Variants in EFCAB14 observed in about 807,000 individuals in gnomAD.
EFCAB14 encodes the protein EF-hand calcium binding domain 14.
In EFCAB14, 43 loss-of-function variants were observed where a neutral mutation model predicts 56.5. That is an observed-to-expected ratio of 0.76 (90% CI 0.60 to 0.98). EFCAB14 has a LOEUF of 0.98. Among genes scored for constraint, EFCAB14 ranks in the 50% least tolerant of loss-of-function variants. The pLI is 0.00. For missense variants in EFCAB14, 538 were observed against 580.3 expected (o/e 0.93, Z 0.75); for synonymous variants, 235 against 212.9 (o/e 1.10, Z -0.90).
At chr1:46,687,010 A>G in intron 7 of EFCAB14, 140 bp from the exon 8 acceptor site, 1 of 739,592 alleles carries the variant, frequency 1.4e-6, no homozygotes, top group Non-Finnish European at 2.2e-6. Flanking sequence ...ATTGCAGAGG[A>G]GTGGGAGATG....
At chr1:46,716,181 G>C in intron 2 of EFCAB14, 114 bp downstream of exon 2, 1 of 1,156,728 alleles carries the variant, frequency 8.6e-7, no homozygotes, top group Non-Finnish European at 1.2e-6. Context: ...CCTGGGTGGC[G>C]GATGTTGCAG....
rs572411325 is a variant in EFCAB14, at chr1:46,686,257, G to A, written c.1074+527C>T. ...GGAAGGTACAAGGTGAAGGGAACTG[G>A]CTGAGGTTTAAATGGACTATGAATA... is the stretch of plus-strand genomic sequence containing the variant. On this transcript the variant is annotated intron_variant, in intron 8 of 10. Transcript: ENST00000371933. 2.6e-5 allele frequency among the ~76,000 whole-genome samples: 4 copies of A among 152,296 alleles called. No individual in the cohort carries two copies. In the East Asian group the frequency reaches 5.8e-4, roughly 22 times the overall value.
rs143799745 is a variant in EFCAB14, at chr1:46,711,599, G to A, written c.335-3548C>T. The stretch of plus-strand genomic sequence containing the variant: ...TTTTATTACATAAATGGGAGGAAGT[G>A]TAGCAAACAAACAACTTCTGATTAC... On this transcript the variant is annotated intron_variant, in intron 2 of 10. Coordinates refer to ENST00000371933, the MANE Select transcript of EFCAB14 (RefSeq NM_014774.3). 9.9e-5 allele frequency among the ~76,000 whole-genome samples: 15 copies of A among 152,280 alleles called. No homozygotes were observed. In the East Asian group the frequency reaches 2.9e-3, roughly 29 times the overall value.
rs80322258 is a variant in EFCAB14 at position 46,709,105 on chromosome 1, C to A, written c.335-1054G>T. On this transcript the variant is annotated intron_variant, in intron 2 of 10. Coordinates refer to ENST00000371933, the MANE Select transcript of EFCAB14 (RefSeq NM_014774.3). ...GTCAGCTACATTTTGTTCATTTGTTCATGTGCTATTTTGTTCACTTCTACA... is the reference window on the plus strand; with the variant it reads ...GTCAGCTACATTTTGTTCATTTGTTAATGTGCTATTTTGTTCACTTCTACA... 6.5e-3 allele frequency among the ~76,000 whole-genome samples: 997 copies of A among 152,242 alleles called. 12 individuals carry two copies. The highest frequency in any genetic ancestry group is 0.023 in the African/African-American group (955 of 41,556).
chr1:46,692,301 C>T (rs1321463688), intron 4 of EFCAB14, among the ~76,000 whole-genome samples: 2 of 152,212 alleles, frequency 1.3e-5, no homozygotes, highest in Non-Finnish European at 2.9e-5. Flanking sequence ...TGGCAGGCTG[C>T]CGAGCAGCAT....
intron 10 of EFCAB14, among the ~76,000 whole-genome samples, chr1:46,679,458 G>C (rs1433740925): frequency 6.6e-6 from 1 of 151,690 alleles, no homozygotes; most frequent in Non-Finnish European, 1.5e-5. Flanking sequence ...CCGCCACCAC[G>C]CCCAGCTAAT....
Position 46,683,476 on chromosome 1 carries a change from A to G in EFCAB14, c.1187-51T>C, listed in dbSNP as rs766568835. 69 of 1,566,352 alleles carry G rather than the reference A, an allele frequency of 4.4e-5. No homozygotes were observed. In the South Asian group the frequency reaches 7.5e-4, roughly 17 times the overall value. ...TTAGTATTATTGAATCTAACACCAA[A>G]TTAAACTAGTATCGAAGGTCACCTT... On this transcript the variant is annotated intron_variant, in intron 9 of 10. Coordinates refer to ENST00000371933, the MANE Select transcript of EFCAB14 (RefSeq NM_014774.3).
At chr1:46,686,127 T>A (rs918996733) in intron 8 of EFCAB14, among the ~76,000 whole-genome samples, 1 of 152,200 alleles carries the variant, frequency 6.6e-6, no homozygotes, top group Non-Finnish European at 1.5e-5. Context: ...GCCCAGAGTT[T>A]AACACTCTAA....
At chr1:46,679,706 G>A (rs1318462632) in intron 10 of EFCAB14, among the ~76,000 whole-genome samples, 1 of 143,380 alleles carries the variant, frequency 7.0e-6, no homozygotes, top group Non-Finnish European at 1.5e-5. Context: ...TGCCTCCTAG[G>A]TTCAAGCTAT....
chr1:46,697,928 C>A (rs528560212), intron 3 of EFCAB14, among the ~76,000 whole-genome samples: 2 of 151,094 alleles, frequency 1.3e-5, no homozygotes, highest in Non-Finnish European at 2.9e-5. Flanking sequence ...CTTGGCTCAC[C>A]GCAGCCTCTG....
Position 46,678,470 on chromosome 1 carries a change from T to C in EFCAB14, c.1479A>G (p.Leu493=), listed in dbSNP as rs1394777830. Reference sequence around the variant, plus strand: ...AATATGCCTGATGAAGCTAGATACCTAAAGCTACCCTTAGCTCCAGGAATG... The same window carrying C: ...AATATGCCTGATGAAGCTAGATACCCAAAGCTACCCTTAGCTCCAGGAATG... ...RYSFLELRVA[L]GI The change falls in exon 11 of 11, where the codon TTA becomes TTG. Residue 493 remains leucine (L), a synonymous_variant. Transcript: ENST00000371933. The C allele has an allele frequency of 1.2e-6, 2 of 1,614,128 alleles. No individual in the cohort carries two copies. Among genetic ancestry groups the C allele is most frequent in the South Asian group, 2.2e-5 (2 of 91,088 alleles).
intron 3 of EFCAB14, among the ~76,000 whole-genome samples, chr1:46,707,463 A>C (rs1299970730): frequency 6.6e-6 from 1 of 152,194 alleles, no homozygotes; most frequent in Non-Finnish European, 1.5e-5. Context: ...AACCAACTCC[A>C]TCACCCACTC....
In EFCAB14 at chr1:46,677,631, G is replaced by T. The variant is rs1676716445; in HGVS notation, c.*830C>A. On this transcript the variant is annotated 3_prime_UTR_variant, in exon 11 of 11. Transcript: ENST00000371933. ...TCTAGCTCACTCAGCAGGGAAAATG[G>T]AGCTCCCCAATGGATAACTTTTTAT... is the stretch of plus-strand genomic sequence containing the variant. 1 of 152,094 alleles carries T rather than the reference G, an allele frequency of 6.6e-6. No individual in the cohort carries two copies. Among genetic ancestry groups the T allele is most frequent in the Non-Finnish European group, 1.5e-5 (1 of 68,024 alleles). The allele number at this position is 152,094 out of a possible 1,614,324, so 9.4% of individuals were successfully genotyped here.
intron 3 of EFCAB14, among the ~76,000 whole-genome samples, chr1:46,705,311 T>C (rs1234251510): frequency 6.6e-6 from 1 of 152,234 alleles, no homozygotes; most frequent in Non-Finnish European, 1.5e-5. Flanking sequence ...GGCATATTGA[T>C]GCTGAAATGG....
At chr1:46,716,523 C>A (rs1475001026) in intron 1 of EFCAB14, 80 bp from the exon 2 acceptor site, 4 of 1,508,126 alleles carry the variant, frequency 2.7e-6, no homozygotes, top group African/African-American at 2.8e-5. Context: ...CACGTTTTGC[C>A]ATGCAATTAT....
At chr1:46,708,769 T>C (rs375689356) in intron 2 of EFCAB14, among the ~76,000 whole-genome samples, 4 of 152,212 alleles carry the variant, frequency 2.6e-5, no homozygotes, top group African/African-American at 9.6e-5. Flanking sequence ...TGAAGTATAG[T>C]ATGATATTTG....
intron 10 of EFCAB14, among the ~76,000 whole-genome samples, chr1:46,680,174 C>T (rs1676769727): frequency 6.6e-6 from 1 of 152,128 alleles, no homozygotes; most frequent in Admixed American, 6.6e-5. Flanking sequence ...AAAGTTAGGG[C>T]TATCATATGA....
intron 10 of EFCAB14, chr1:46,682,104 C>T (rs1199775577): frequency 6.6e-6 from 1 of 152,108 alleles, no homozygotes; most frequent in African/African-American, 2.4e-5. Flanking sequence ...TCAGGAGTAC[C>T]AGGTACTGTG....
At position 46,684,582 on chromosome 1, in the gene EFCAB14, A is replaced by G; in HGVS notation, c.1095T>C (p.Ser365=). Residue 365 remains serine (S), a synonymous_variant, in exon 9 of 11, where the codon TCT becomes TCC. Transcript: ENST00000371933. ...QSIKKEDSSN[S]QVSKLREKLQ... ...GTTTCTCTCTTAGCTTGGATACCTG[A>G]GAATTTGAACTATCTTCTTTCTGCA... 1 of 1,614,072 alleles carries G rather than the reference A, an allele frequency of 6.2e-7. No individual in the cohort carries two copies. The highest frequency in any genetic ancestry group is 1.1e-5 in the South Asian group (1 of 91,082).
Sources: allele counts gnomAD v4.1 joint callset (sites outside exome capture counted in the v4.1 genomes callset), GRCh38; gene constraint gnomAD v4.1.1; transcripts MANE v1.5; gene names NCBI Gene and HGNC (gene_info 2026-07-23, HGNC 2026-07-21).